Variants in ACAP2 observed in about 807,000 individuals in gnomAD.
ACAP2 encodes arf-GAP with coiled-coil, ANK repeat and PH domain-containing protein 2.
In ACAP2, 39 loss-of-function variants were observed where a neutral mutation model predicts 115.8. The observed-to-expected ratio is 0.34, with a 90% CI of 0.26 to 0.44. The LOEUF (loss-of-function observed/expected upper bound fraction) is 0.44, where lower values mean the gene tolerates loss of function less well. Ranked by LOEUF, ACAP2 falls within the 20% of genes least tolerant of loss-of-function variation. The pLI is 1.00. For missense variants in ACAP2, 662 were observed against 927.6 expected (o/e 0.71, Z 3.72); for synonymous variants, 289 against 315.8 (o/e 0.92, Z 0.90).
intron 1 of ACAP2, among the ~76,000 whole-genome samples, chr3:195,429,658 T>C (rs988483817): frequency 6.6e-6 from 1 of 152,106 alleles, no homozygotes; most frequent in African/African-American, 2.4e-5. Flanking sequence ...CAATTGTGCA[T>C]TTCAATGTAT....
chr3:195,404,544 T>C (rs1160277922), intron 1 of ACAP2, among the ~76,000 whole-genome samples: 2 of 151,984 alleles, frequency 1.3e-5, no homozygotes, highest in Non-Finnish European at 2.9e-5. Flanking sequence ...CCAGATTCCC[T>C]GCCTCCCCTT....
chr3:195,315,073 G>A (rs1283091467), intron 10 of ACAP2, among the ~76,000 whole-genome samples: 4 of 152,218 alleles, frequency 2.6e-5, no homozygotes, highest in Non-Finnish European at 4.4e-5. Flanking sequence ...GAGTGCAGAC[G>A]CACAATGCAG....
At chr3:195,434,931 T>TGC (rs1715417838) in intron 1 of ACAP2, among the ~76,000 whole-genome samples, 1 of 150,464 alleles carries the variant, frequency 6.6e-6, no homozygotes, top group African/African-American at 2.5e-5. Context: ...GTGCCCTCTT[T>TGC]CACTCTTGAA....
intron 3 of ACAP2, among the ~76,000 whole-genome samples, 161 bp from the exon 4 acceptor site, chr3:195,381,223 C>T (rs540702968): frequency 6.6e-6 from 1 of 152,284 alleles, no homozygotes; most frequent in African/African-American, 2.4e-5. Flanking sequence ...GTACACTCTG[C>T]AGAGGTCACC....
Position 195,320,772 on chromosome 3 carries a change from A to C in ACAP2, c.786T>G (p.Asp262Glu), listed in dbSNP as rs1020264470. The C allele has an allele frequency of 2.5e-6, 4 of 1,613,662 alleles. No individual in the cohort carries two copies. Among genetic ancestry groups the C allele is most frequent in the Non-Finnish European group, 3.4e-6 (4 of 1,179,708 alleles). The change falls in exon 10 of 23, where the codon GAT becomes GAG. Residue 262 changes from aspartate (D) to glutamate (E), a missense_variant. Physicochemically the swap from Asp to Glu is conservative, Grantham distance 45. Coordinates refer to ENST00000326793, the MANE Select transcript of ACAP2 (RefSeq NM_012287.6). Reference sequence around the variant, plus strand: ...CTTCCATAACTATGCCATTTGCAGCATCTACGTTATATTCTAACTTAGAAT... The same window carrying C: ...CTTCCATAACTATGCCATTTGCAGCCTCTACGTTATATTCTAACTTAGAAT... ...SDDSKLEYNV[D>E]AANGIVMEGY...
At chr3:195,292,185 A>G (rs1293864114) in intron 19 of ACAP2, 80 bp downstream of exon 19, 2 of 1,457,372 alleles carry the variant, frequency 1.4e-6, no homozygotes. Flanking sequence ...CAAAGACAAT[A>G]CTAAAGCCAG....
intron 1 of ACAP2, among the ~76,000 whole-genome samples, chr3:195,393,958 C>T (rs955194928): frequency 4.6e-5 from 7 of 151,656 alleles, no homozygotes; most frequent in East Asian, 3.9e-4. Context: ...TATCAGTCTA[C>T]GAACTACAAC....
chr3:195,438,015 C>T (rs1039133006), intron 1 of ACAP2, among the ~76,000 whole-genome samples: 1 of 131,348 alleles, frequency 7.6e-6, no homozygotes, highest in Non-Finnish European at 1.6e-5. Context: ...TTGCGCCCCA[C>T]CTGCAAGAAT....
chr3:195,440,797 G>C (rs752994459), intron 1 of ACAP2, among the ~76,000 whole-genome samples: 1 of 151,976 alleles, frequency 6.6e-6, no homozygotes, highest in Non-Finnish European at 1.5e-5. Flanking sequence ...TCTATTTCTC[G>C]GCAGTCTTCC....
chr3:195,402,429 T>C (rs1712387294), intron 1 of ACAP2, among the ~76,000 whole-genome samples: 1 of 152,092 alleles, frequency 6.6e-6, no homozygotes, highest in African/African-American at 2.4e-5. Flanking sequence ...CTACAAACAA[T>C]TGCATAAACC....
chr3:195,311,590 G>A (rs1728772407), intron 10 of ACAP2, among the ~76,000 whole-genome samples: 1 of 152,206 alleles, frequency 6.6e-6, no homozygotes, highest in South Asian at 2.1e-4. Context: ...AGGTTGGAGT[G>A]CAATGGCACG....
At chr3:195,286,892 T>G (rs1726880087) in intron 21 of ACAP2, among the ~76,000 whole-genome samples, 1 of 152,234 alleles carries the variant, frequency 6.6e-6, no homozygotes, top group African/African-American at 2.4e-5. Flanking sequence ...CTCTATATCA[T>G]TCCTATCTTT....
chr3:195,349,311 G>A (rs1156481727), intron 4 of ACAP2, among the ~76,000 whole-genome samples: 5 of 151,998 alleles, frequency 3.3e-5, no homozygotes, highest in Admixed American at 6.6e-5. Context: ...GAGAAACCCC[G>A]TCTCTACTAA....
intron 2 of ACAP2, among the ~76,000 whole-genome samples, chr3:195,391,124 A>G (rs1245851127): frequency 1.3e-5 from 2 of 152,198 alleles, no homozygotes; most frequent in Non-Finnish European, 2.9e-5. Flanking sequence ...GAACGTGGCC[A>G]GACCCAAATT....
rs1202714072 is a variant in ACAP2, at chr3:195,356,195, A to G, written c.286-10878T>C. 15 of 456,704 alleles carry G rather than the reference A, an allele frequency of 3.3e-5. No homozygotes were observed. The Admixed American group carries it at 3.5e-4, about 11-fold the overall frequency. The allele number at this position is 456,704 out of a possible 1,614,324, so 28.3% of individuals were successfully genotyped here. ...GGAAGAATCTGCGCTGCACACGGGG[A>G]AAGAGCACAGCAACTGTGGGACTAC... On this transcript the variant is annotated intron_variant, in intron 4 of 22. Transcript: ENST00000326793.
intron 1 of ACAP2, among the ~76,000 whole-genome samples, chr3:195,400,823 T>G (rs1712223498): frequency 6.6e-6 from 1 of 152,168 alleles, no homozygotes; most frequent in Non-Finnish European, 1.5e-5. Context: ...AAAGATGGGA[T>G]ATAAGCAGAC....
chr3:195,351,440 TCGTGTG>T (rs1234593103), intron 4 of ACAP2, among the ~76,000 whole-genome samples: 1 of 99,654 alleles, frequency 1.0e-5, no homozygotes, highest in Non-Finnish European at 1.9e-5. Flanking sequence ...TTTTTCTTTT[TCGTGTG>T]TGTGTGTGTG....
chr3:195,329,377 T>A (rs1464362127), intron 8 of ACAP2, among the ~76,000 whole-genome samples: 1 of 152,134 alleles, frequency 6.6e-6, no homozygotes, highest in Non-Finnish European at 1.5e-5. Flanking sequence ...TAAGCAGGTA[T>A]CCCTGGTCCT....
At chr3:195,399,000 T>C (rs1403774368) in intron 1 of ACAP2, among the ~76,000 whole-genome samples, 1 of 152,210 alleles carries the variant, frequency 6.6e-6, no homozygotes, top group Non-Finnish European at 1.5e-5. Flanking sequence ...ATTCCATTAT[T>C]TGGGATTAAG....
Sources: gnomAD v4.1 joint callset for allele counts (sites outside exome capture counted in the v4.1 genomes callset) on GRCh38, gnomAD v4.1.1 for gene constraint, MANE v1.5 for transcripts, NCBI Gene and HGNC (gene_info 2026-07-23, HGNC 2026-07-21) for gene names.